Variants in CATSPERB observed in about 807,000 individuals in gnomAD.
CATSPERB encodes the protein cation channel sperm-associated auxiliary subunit beta.
CATSPERB carries 93 observed loss-of-function variants against 128.3 expected under a neutral mutation model. The observed-to-expected ratio is 0.72, with a 90% CI of 0.61 to 0.86. The LOEUF (loss-of-function observed/expected upper bound fraction) is 0.86. Ranked by LOEUF, CATSPERB falls within the 40% of genes least tolerant of loss-of-function variation. The pLI is 0.00. For synonymous variants in CATSPERB, 381 were observed against 448.8 expected, an observed-to-expected ratio of 0.85 and a Z score of 1.91; for missense variants, 1,153 against 1,329.5, an observed-to-expected ratio of 0.87 and a Z score of 2.06.
At chr14:91,605,724 C>A (rs953930928) in intron 22 of CATSPERB, among the ~76,000 whole-genome samples, 1 of 152,136 alleles carries the variant, frequency 6.6e-6, no homozygotes, top group East Asian at 1.9e-4. Context: ...GACTCCCTTT[C>A]CCCTCCTCTC....
At chr14:91,678,007 C>T (rs1253022503) in intron 11 of CATSPERB, among the ~76,000 whole-genome samples, 3 of 152,114 alleles carry the variant, frequency 2.0e-5, no homozygotes, top group Admixed American at 6.5e-5. Context: ...TGTTCTTACT[C>T]ATAAGTGGGA....
chr14:91,670,100 G>A (rs1351079455), intron 13 of CATSPERB, 128 bp from the exon 14 acceptor site: 1 of 812,220 alleles, frequency 1.2e-6, no homozygotes, highest in East Asian at 2.6e-5. Flanking sequence ...AGAAGGATTA[G>A]CAGTAATTGT....
intron 15 of CATSPERB, among the ~76,000 whole-genome samples, chr14:91,649,104 A>G (rs1406915540): frequency 6.6e-6 from 1 of 151,950 alleles, no homozygotes; most frequent in Non-Finnish European, 1.5e-5. Context: ...AGACTGCTGT[A>G]CCCTTAGTGA....
At chr14:91,633,149 C>T (rs1207377223) in intron 17 of CATSPERB, among the ~76,000 whole-genome samples, 1 of 152,170 alleles carries the variant, frequency 6.6e-6, no homozygotes, top group Non-Finnish European at 1.5e-5. Context: ...GTCTTCATTT[C>T]TTCAGGAGGA....
intron 15 of CATSPERB, among the ~76,000 whole-genome samples, chr14:91,640,127 A>C (rs1039953420): frequency 1.6e-4 from 24 of 152,128 alleles, no homozygotes; most frequent in Admixed American, 3.9e-4. Context: ...AACTCATTCC[A>C]GACTGAGCTC....
At chr14:91,597,066 T>G (rs973978455) in intron 22 of CATSPERB, among the ~76,000 whole-genome samples, 3 of 151,672 alleles carry the variant, frequency 2.0e-5, no homozygotes, top group Non-Finnish European at 4.4e-5. Flanking sequence ...TTTTTTTTTT[T>G]GTATTTTTAG....
chr14:91,614,519 C>T (rs1179129780), intron 20 of CATSPERB, among the ~76,000 whole-genome samples: 1 of 151,942 alleles, frequency 6.6e-6, no homozygotes, highest in Non-Finnish European at 1.5e-5. Flanking sequence ...AAAAATTAGC[C>T]AGGAATGGTG....
intron 14 of CATSPERB, among the ~76,000 whole-genome samples, chr14:91,665,494 A>G (rs987292596): frequency 1.3e-5 from 2 of 152,336 alleles, no homozygotes; most frequent in Non-Finnish European, 2.9e-5. Flanking sequence ...ATGTGGAGAA[A>G]CCTGGACACC....
At chr14:91,704,757 C>T (rs2139854908) in intron 6 of CATSPERB, 56 bp from the exon 7 acceptor site, 3 of 1,552,698 alleles carry the variant, frequency 1.9e-6, no homozygotes, top group African/African-American at 1.4e-5. Flanking sequence ...AAAATGGATG[C>T]TACTTTCCTT....
chr14:91,694,553 C>A (rs553871364), intron 7 of CATSPERB, among the ~76,000 whole-genome samples: 1 of 151,584 alleles, frequency 6.6e-6, no homozygotes, highest in South Asian at 2.1e-4. Context: ...TAACAGTACC[C>A]TTCTAAGCAT....
chr14:91,686,656 T>C (rs1895380664), intron 10 of CATSPERB, among the ~76,000 whole-genome samples: 1 of 152,232 alleles, frequency 6.6e-6, no homozygotes, highest in Non-Finnish European at 1.5e-5. Context: ...CTTATTATAA[T>C]ATCCTTGCTA....
In CATSPERB at chr14:91,664,410, C is replaced by T. The variant is rs138265819; in HGVS notation, c.1288-4429G>A. 8.6e-5 allele frequency among the ~76,000 whole-genome samples: 13 copies of T among 151,760 alleles called. No homozygotes were observed. In the East Asian group the frequency reaches 1.7e-3, roughly 20 times the overall value. ...CCTCCTGAGTAGCTGGGATTACAAGCGCCTGCCACCACACCCAGCTAATTT... is the reference window on the plus strand; with the variant it reads ...CCTCCTGAGTAGCTGGGATTACAAGTGCCTGCCACCACACCCAGCTAATTT... On this transcript the variant is annotated intron_variant, in intron 14 of 26. Transcript: ENST00000256343.
chr14:91,624,725 C>A (rs545244642), intron 18 of CATSPERB, 95 bp downstream of exon 18: 5 of 883,090 alleles, frequency 5.7e-6, no homozygotes, highest in Non-Finnish European at 6.5e-6. Context: ...AATTTGAAAT[C>A]TATTGCTCTA....
At chr14:91,693,604 T>G in intron 7 of CATSPERB, 125 bp from the exon 8 acceptor site, 1 of 658,048 alleles carries the variant, frequency 1.5e-6, no homozygotes. Flanking sequence ...CCCAAAGCAT[T>G]GGAAAGATGA....
intron 17 of CATSPERB, among the ~76,000 whole-genome samples, chr14:91,633,393 T>C (rs1263417830): frequency 6.6e-6 from 1 of 151,932 alleles, no homozygotes; most frequent in Admixed American, 6.6e-5. Context: ...GAACAAAATA[T>C]TCCAGTCTTA....
At chr14:91,605,432 G>A (rs1388299595) in intron 22 of CATSPERB, 9 of 497,288 alleles carry the variant, frequency 1.8e-5, no homozygotes, top group Admixed American at 1.0e-4. Context: ...CTCCAGAAGC[G>A]AAAGTATCAA....
chr14:91,648,990 T>C (rs1894657172), intron 15 of CATSPERB, among the ~76,000 whole-genome samples: 1 of 131,614 alleles, frequency 7.6e-6, no homozygotes, highest in Admixed American at 7.1e-5. Context: ...CTATCTTGCT[T>C]TTTTTTTTTT....
chr14:91,599,706 G>A (rs1461755373), intron 22 of CATSPERB, among the ~76,000 whole-genome samples: 1 of 152,102 alleles, frequency 6.6e-6, no homozygotes, highest in South Asian at 2.1e-4. Context: ...ATATATATAA[G>A]AAGTACATTG....
intron 7 of CATSPERB, among the ~76,000 whole-genome samples, chr14:91,703,546 C>T (rs766155643): frequency 2.6e-5 from 4 of 152,178 alleles, no homozygotes; most frequent in Non-Finnish European, 5.9e-5. Context: ...AAGCTTAGAG[C>T]CTTCAGCCCC....
Sources: allele counts gnomAD v4.1 joint callset (sites outside exome capture counted in the v4.1 genomes callset), GRCh38; gene constraint gnomAD v4.1.1; transcripts MANE v1.5; gene names NCBI Gene and HGNC (gene_info 2026-07-23, HGNC 2026-07-21).